The following ITGA6 variants were observed in gnomAD, a reference collection of about 807,000 sequenced individuals.
ITGA6 encodes the protein integrin alpha-6.
A neutral mutation model predicts 133.6 loss-of-function variants in ITGA6; 63 were observed. That is an observed-to-expected ratio of 0.47 (90% confidence interval 0.38 to 0.58). ITGA6 has a LOEUF of 0.58. Ranked by LOEUF, ITGA6 falls within the 20% of genes least tolerant of loss-of-function variation. The probability of loss-of-function intolerance (pLI) is 0.00; values close to 1 mark genes in which losing one functional copy is unlikely to be tolerated. For missense variants in ITGA6, 1,068 were observed against 1,309.4 expected (o/e 0.82, Z 2.85); for synonymous variants, 434 against 482.0 (o/e 0.90, Z 1.30).
chr2:172,444,544 T>A (rs978979941), intron 1 of ITGA6, among the ~76,000 whole-genome samples: 2 of 152,034 alleles, frequency 1.3e-5, no homozygotes, highest in Non-Finnish European at 2.9e-5. Context: ...ATTTTTAGAT[T>A]TGGGATGCTC....
intron 2 of ITGA6, among the ~76,000 whole-genome samples, chr2:172,466,970 C>T (rs536629975): frequency 6.3e-4 from 96 of 152,298 alleles, no homozygotes; most frequent in African/African-American, 2.1e-3. Context: ...GATACATTGT[C>T]AGCTACAAGA....
At position 172,456,274 on chromosome 2, in the gene ITGA6, G is replaced by T. The variant is rs1339629135; in HGVS notation, c.183-9265G>T. Among the ~76,000 whole-genome samples the T allele has an allele frequency of 2.6e-5, 4 of 152,354 alleles. No homozygotes were observed. In the East Asian group the frequency reaches 7.7e-4, roughly 29 times the overall value. On this transcript the variant is annotated intron_variant, in intron 1 of 25. Coordinates refer to ENST00000684293, the MANE Select transcript of ITGA6 (RefSeq NM_000210.4). ...AGATGAGCTTACCCTCAGGTATCCT[G>T]ATCACGTGGAGACTGGCCATATGGC...
At chr2:172,485,309 T>TATG in intron 13 of ITGA6, 45 bp downstream of exon 13, 1 of 1,550,330 alleles carries the variant, frequency 6.5e-7, no homozygotes, top group Non-Finnish European at 8.9e-7. Flanking sequence ...TTTTGCCATT[T>TATG]ATGATGCTAA....
chr2:172,499,199 T>C (rs1458971708), intron 24 of ITGA6, among the ~76,000 whole-genome samples: 1 of 152,198 alleles, frequency 6.6e-6, no homozygotes, highest in Admixed American at 6.5e-5. Flanking sequence ...AAATTTGAGA[T>C]AATTTTCTGA....
At chr2:172,431,834 G>C (rs532071105) in intron 1 of ITGA6, among the ~76,000 whole-genome samples, 10 of 151,984 alleles carry the variant, frequency 6.6e-5, no homozygotes, top group African/African-American at 1.4e-4. Context: ...GTAATGACAG[G>C]GTTGGGGAAA....
At chr2:172,485,903 G>A (rs1374758093) in intron 13 of ITGA6, among the ~76,000 whole-genome samples, 3 of 152,146 alleles carry the variant, frequency 2.0e-5, no homozygotes, top group African/African-American at 4.8e-5. Flanking sequence ...ATGAACGGGT[G>A]TGGTGGCTCA....
chr2:172,461,619 T>A (rs1685429653), intron 1 of ITGA6, among the ~76,000 whole-genome samples: 1 of 152,220 alleles, frequency 6.6e-6, no homozygotes, highest in Admixed American at 6.5e-5. Context: ...GCCCTGGTCC[T>A]AGGAGTTGCT....
At chr2:172,484,151 G>T (rs958338817) in intron 11 of ITGA6, among the ~76,000 whole-genome samples, 1 of 152,134 alleles carries the variant, frequency 6.6e-6, no homozygotes, top group East Asian at 1.9e-4. Context: ...TCCTACTGTC[G>T]AAAGACTTCT....
intron 8 of ITGA6, 82 bp from the exon 9 acceptor site, chr2:172,476,313 A>T: frequency 1.2e-6 from 1 of 822,906 alleles, no homozygotes; most frequent in Admixed American, 1.7e-5. Flanking sequence ...GTTCAAAAGA[A>T]ACTTGTGTGT....
intron 1 of ITGA6, among the ~76,000 whole-genome samples, chr2:172,434,650 G>T (rs1684243618): frequency 6.6e-6 from 1 of 152,144 alleles, no homozygotes; most frequent in South Asian, 2.1e-4. Flanking sequence ...GGAATGGGAT[G>T]AAGTACCACT....
intron 23 of ITGA6, among the ~76,000 whole-genome samples, chr2:172,493,630 G>A (rs140277795): frequency 1.3e-3 from 204 of 152,326 alleles, no homozygotes; most frequent in Non-Finnish European, 1.4e-3. Context: ...ATTGAAACCT[G>A]TAATTGTCTG....
In ITGA6 at chr2:172,487,919, G is replaced by T; in HGVS notation, c.2325-42G>T. ...GAAGTCTAATTGTAGTGAGAAAACT[G>T]ACTGGTAAAATACAACCCTATTGTT... On this transcript the variant is annotated intron_variant, in intron 17 of 25. Coordinates refer to ENST00000684293, the MANE Select transcript of ITGA6 (RefSeq NM_000210.4). The T allele has an allele frequency of 1.9e-6, 3 of 1,577,050 alleles. No homozygotes were observed. In the South Asian group the frequency reaches 3.3e-5, roughly 18 times the overall value.
At chr2:172,443,886 C>T (rs1341136925) in intron 1 of ITGA6, among the ~76,000 whole-genome samples, 4 of 152,294 alleles carry the variant, frequency 2.6e-5, no homozygotes, top group African/African-American at 4.8e-5. Context: ...GTGATCCTCC[C>T]GCCTCGGCCT....
intron 1 of ITGA6, among the ~76,000 whole-genome samples, chr2:172,447,289 C>T (rs1684808565): frequency 6.6e-6 from 1 of 151,992 alleles, no homozygotes; most frequent in Admixed American, 6.6e-5. Context: ...GGTGTGATCT[C>T]CGCCTCCCAG....
chr2:172,476,379 G>A lies in ITGA6; in HGVS notation c.1270-16G>A. 4 of 1,281,954 alleles carry A rather than the reference G, an allele frequency of 3.1e-6. No individual in the cohort carries two copies. Among genetic ancestry groups the A allele is most frequent in the Non-Finnish European group, 3.4e-6 (3 of 877,158 alleles). 79.4% of individuals were successfully genotyped at this position (1,281,954 alleles called of 1,614,324 possible). A position where few individuals can be genotyped will look rare whatever the true frequency, so the allele number is the denominator to read the frequency against. ...GTGATAACCTAATGTCCATTCGGAT[G>A]CCCTGTGTATTTCAGGTTCTCAAGG... On this transcript the variant is annotated splice_polypyrimidine_tract_variant and intron_variant, in intron 8 of 25. Transcript: ENST00000684293.
chr2:172,465,518 T>C (rs747031136), intron 1 of ITGA6, 21 bp from the exon 2 acceptor site: 31 of 1,613,844 alleles, frequency 1.9e-5, no homozygotes, highest in South Asian at 5.5e-5. Flanking sequence ...AATCTCCAAA[T>C]TGTCTCTGTT....
At chr2:172,451,258 A>G (rs191137934) in intron 1 of ITGA6, among the ~76,000 whole-genome samples, 1 of 152,020 alleles carries the variant, frequency 6.6e-6, no homozygotes, top group Non-Finnish European at 1.5e-5. Context: ...TGAGGTCAGG[A>G]GTTCAAGACA....
intron 1 of ITGA6, among the ~76,000 whole-genome samples, chr2:172,461,430 T>C (rs1469720100): frequency 6.6e-6 from 1 of 152,228 alleles, no homozygotes; most frequent in Non-Finnish European, 1.5e-5. Context: ...GTTTAGTTTT[T>C]CTTGCCTTGA....
intron 23 of ITGA6, among the ~76,000 whole-genome samples, chr2:172,493,909 T>C (rs1007317714): frequency 6.6e-6 from 1 of 152,218 alleles, no homozygotes; most frequent in Admixed American, 6.5e-5. Context: ...GGGCATTTTA[T>C]GTTCTTAGAG....
Sources: allele counts gnomAD v4.1 joint callset (sites outside exome capture counted in the v4.1 genomes callset), GRCh38; gene constraint gnomAD v4.1.1; transcripts MANE v1.5; gene names NCBI Gene and HGNC (gene_info 2026-07-23, HGNC 2026-07-21).